Variants in DAB1 observed in about 807,000 individuals in gnomAD.
DAB1 encodes disabled homolog 1.
Under a neutral mutation model 64.6 loss-of-function variants are expected in DAB1, and 15 were observed. The observed-to-expected ratio is 0.23, with a 90% CI of 0.16 to 0.36. The LOEUF (loss-of-function observed/expected upper bound fraction) is 0.36, where lower values mean the gene tolerates loss of function less well. Ranked by LOEUF, DAB1 falls within the 10% of genes least tolerant of loss-of-function variation. DAB1 has a pLI of 1.00. For synonymous variants in DAB1, 235 were observed against 251.9 expected, an observed-to-expected ratio of 0.93 and a Z score of 0.64; for missense variants, 596 against 706.7, an observed-to-expected ratio of 0.84 and a Z score of 1.78.
chr1:58,162,161 G>A (rs1195055918), intron 4 of DAB1, among the ~76,000 whole-genome samples: 1 of 152,106 alleles, frequency 6.6e-6, no homozygotes, highest in Non-Finnish European at 1.5e-5. Flanking sequence ...GCCTTGACAG[G>A]CAGATCTTGC....
intron 4 of DAB1, among the ~76,000 whole-genome samples, chr1:57,095,830 A>T (rs1033963426): frequency 6.6e-6 from 1 of 152,216 alleles, no homozygotes; most frequent in African/African-American, 2.4e-5. Flanking sequence ...TTAGGACTTG[A>T]TGTATTAGGG....
At chr1:57,376,354 C>T (rs1680897216) in intron 1 of DAB1, among the ~76,000 whole-genome samples, 3 of 152,222 alleles carry the variant, frequency 2.0e-5, no homozygotes, top group Non-Finnish European at 2.9e-5. Context: ...GGAACTGTCA[C>T]AGTTAAGCTG....
intron 1 of DAB1, among the ~76,000 whole-genome samples, chr1:57,355,070 G>C (rs775258237): frequency 1.4e-4 from 21 of 152,038 alleles, no homozygotes; most frequent in Non-Finnish European, 2.6e-4. Flanking sequence ...GGCACACCAG[G>C]ATGAAACAAC....
At chr1:57,582,667 C>G (rs12081997) in intron 7 of DAB1, among the ~76,000 whole-genome samples, 5,613 of 152,318 alleles carry the variant, frequency 0.037, 294 homozygotes, top group African/African-American at 0.12. Context: ...CTGGATGTGG[C>G]AGCTGAGGAT....
At chr1:58,382,952 A>C (rs1260973263) in intron 3 of DAB1, among the ~76,000 whole-genome samples, 3 of 152,214 alleles carry the variant, frequency 2.0e-5, no homozygotes, top group Non-Finnish European at 4.4e-5. Context: ...ATGAGGTTAG[A>C]GATAACTCCT....
intron 3 of DAB1, among the ~76,000 whole-genome samples, chr1:58,451,227 C>T (rs757152472): frequency 2.4e-4 from 37 of 152,218 alleles, no homozygotes; most frequent in Non-Finnish European, 4.1e-4. Flanking sequence ...GTAGAGGGGA[C>T]GGTAGGCACA....
intron 7 of DAB1, among the ~76,000 whole-genome samples, chr1:57,522,691 G>A (rs138808108): frequency 0.021 from 3,172 of 152,186 alleles, 126 homozygotes; most frequent in African/African-American, 0.07. Flanking sequence ...ATTGTTCCTG[G>A]GTGTGTCTGT....
chr1:57,199,391 G>A (rs971995700), intron 2 of DAB1, among the ~76,000 whole-genome samples: 4 of 152,222 alleles, frequency 2.6e-5, no homozygotes, highest in African/African-American at 9.7e-5. Context: ...GTCCCAGAGA[G>A]AGGTGCAAAC....
intron 7 of DAB1, among the ~76,000 whole-genome samples, chr1:57,616,381 C>T (rs977722587): frequency 1.3e-5 from 2 of 150,368 alleles, no homozygotes; most frequent in South Asian, 2.1e-4. Context: ...ATTATGTATT[C>T]GTTTCCTGCA....
intron 2 of DAB1, among the ~76,000 whole-genome samples, chr1:57,204,591 T>C (rs1030369350): frequency 6.6e-6 from 1 of 152,232 alleles, no homozygotes; most frequent in Non-Finnish European, 1.5e-5. Flanking sequence ...GATTTCTGAC[T>C]TGGGCATGTA....
At chr1:57,834,523 T>C (rs1459785683) in intron 1 of DAB1, among the ~76,000 whole-genome samples, 2 of 152,124 alleles carry the variant, frequency 1.3e-5, no homozygotes, top group African/African-American at 4.8e-5. Flanking sequence ...CAGCAGTCAT[T>C]GTTGCCTCAT....
In DAB1 at chr1:57,728,089, T is replaced by A. The variant is rs775443776; in HGVS notation, n.552-78424A>T. On this transcript the variant is annotated intron_variant and non_coding_transcript_variant, in intron 6 of 20. Transcript: ENST00000485760. ...CTTATAGAGAAGTTAATGATATTGATGGTCTACCAAAGACACTTTAGAAAA... is the reference window on the plus strand; with the variant it reads ...CTTATAGAGAAGTTAATGATATTGAAGGTCTACCAAAGACACTTTAGAAAA... Among the ~76,000 whole-genome samples, 114 of 152,178 alleles carry A rather than the reference T, an allele frequency of 7.5e-4. 1 individual carries two copies. The highest frequency in any genetic ancestry group is 1.4e-3 in the Non-Finnish European group (94 of 68,030).
intron 2 of DAB1, among the ~76,000 whole-genome samples, chr1:58,518,016 G>A (rs548915966): frequency 1.0e-3 from 153 of 151,072 alleles, no homozygotes; most frequent in African/African-American, 3.5e-3. Context: ...GAGAAACCCC[G>A]TCTCAACTAA....
intron 1 of DAB1, among the ~76,000 whole-genome samples, chr1:57,389,200 C>T (rs1682130759): frequency 6.6e-6 from 1 of 152,198 alleles, no homozygotes; most frequent in South Asian, 2.1e-4. Flanking sequence ...AACACACATC[C>T]TTGACTTATT....
chr1:58,040,912 G>T (rs534942416), intron 5 of DAB1, among the ~76,000 whole-genome samples: 1 of 152,146 alleles, frequency 6.6e-6, no homozygotes, highest in Admixed American at 6.5e-5. Context: ...ACCTCCTAAA[G>T]GTTGCACCTG....
At chr1:57,981,995 C>T (rs1315731724) in intron 5 of DAB1, among the ~76,000 whole-genome samples, 1 of 152,230 alleles carries the variant, frequency 6.6e-6, no homozygotes, top group Non-Finnish European at 1.5e-5. Context: ...TAACTGCATA[C>T]TGCCTTTGGA....
In DAB1 at chr1:57,960,626, C is replaced by G. The variant is rs1274549936; in HGVS notation, n.388-76464G>C. Among the ~76,000 whole-genome samples the G allele has an allele frequency of 2.6e-5, 4 of 152,180 alleles. No individual in the cohort carries two copies. The East Asian group carries it at 7.7e-4, about 29-fold the overall frequency. ...GATGAAATAGGACAGTATCTGGTGACTTAGGAAATGGAAATGGCTGTAAGT... is the reference window on the plus strand; with the variant it reads ...GATGAAATAGGACAGTATCTGGTGAGTTAGGAAATGGAAATGGCTGTAAGT... On this transcript the variant is annotated intron_variant and non_coding_transcript_variant, in intron 5 of 20. Transcript: ENST00000485760.
intron 5 of DAB1, chr1:58,074,552 A>C: frequency 2.6e-5 from 2 of 75,720 alleles, no homozygotes; most frequent in Admixed American, 1.8e-4. Context: ...ATACACACAT[A>C]TATATATGTG....
At chr1:57,932,694 A>G (rs950634283) in intron 5 of DAB1, among the ~76,000 whole-genome samples, 13 of 152,142 alleles carry the variant, frequency 8.5e-5, no homozygotes, top group South Asian at 4.1e-4. Context: ...GTAATGACCC[A>G]CTTTATCCCT....
Sources: allele counts gnomAD v4.1 joint callset (sites outside exome capture counted in the v4.1 genomes callset), GRCh38; gene constraint gnomAD v4.1.1; transcripts MANE v1.5; gene names NCBI Gene and HGNC (gene_info 2026-07-23, HGNC 2026-07-21).